Variants in ANKS1B observed in about 807,000 individuals in gnomAD.
ANKS1B encodes ankyrin repeat and sterile alpha motif domain containing 1B.
ANKS1B carries 36 observed loss-of-function variants against 148.3 expected under a neutral mutation model. That is an observed-to-expected ratio of 0.24 (90% CI 0.19 to 0.32). The LOEUF (loss-of-function observed/expected upper bound fraction) is 0.32. Ranked by LOEUF, ANKS1B falls within the 10% of genes least tolerant of loss-of-function variation. The pLI is 1.00. For synonymous variants in ANKS1B, 542 were observed against 560.8 expected (o/e 0.97, Z 0.47); for missense variants, 1,157 against 1,542.6 (o/e 0.75, Z 4.19).
chr12:99,773,561 A>G (rs1279141790), intron 7 of ANKS1B, among the ~76,000 whole-genome samples: 1 of 152,122 alleles, frequency 6.6e-6, no homozygotes, highest in Non-Finnish European at 1.5e-5. Context: ...ATTATGGTAT[A>G]TGATATAAAG....
rs1031343759 is a variant in ANKS1B, at chr12:99,446,565, T to C, written c.1439-2756A>G. Among the ~76,000 whole-genome samples the C allele has an allele frequency of 2.6e-5, 4 of 152,052 alleles. No individual in the cohort carries two copies. The East Asian group carries it at 7.7e-4, about 29-fold the overall frequency. ...ATTCTCAGTTACTGGCAGAAAAGGA[T>C]TCAAATTTCAGACTGATGCCATGTT... On this transcript the variant is annotated intron_variant, in intron 10 of 26. Transcript: ENST00000683438.
chr12:99,379,142 G>A lies in ANKS1B; in HGVS notation c.1756+20489C>T, dbSNP rs1472000404. On this transcript the variant is annotated intron_variant, in intron 12 of 26. Coordinates refer to ENST00000683438, the MANE Select transcript of ANKS1B (RefSeq NM_001352186.2). ...TAGAGAAATAAAAGGTTTGCTTCTC[G>A]AGGTCTATTTACAGACTAAGAATTA... Among the ~76,000 whole-genome samples, 3 of 152,176 alleles carry A rather than the reference G, an allele frequency of 2.0e-5. No individual in the cohort carries two copies. In the East Asian group the frequency reaches 5.8e-4, roughly 29 times the overall value.
intron 17 of ANKS1B, among the ~76,000 whole-genome samples, chr12:98,891,708 C>A (rs973797004): frequency 5.3e-5 from 8 of 152,038 alleles, no homozygotes; most frequent in African/African-American, 1.9e-4. Flanking sequence ...CATATAATAG[C>A]CAATGTAATG....
At chr12:99,123,685 G>A (rs749548920) in intron 15 of ANKS1B, among the ~76,000 whole-genome samples, 19 of 152,150 alleles carry the variant, frequency 1.2e-4, no homozygotes, top group African/African-American at 4.3e-4. Flanking sequence ...AAAAGCCGAC[G>A]AATCTGGAGT....
chr12:99,590,256 ACC>A (rs200158798), intron 9 of ANKS1B, among the ~76,000 whole-genome samples: 6,941 of 131,532 alleles, frequency 0.053, 253 homozygotes, highest in East Asian at 0.21. Flanking sequence ...ACCCACACCC[ACC>A]CACACACACA....
intron 8 of ANKS1B, among the ~76,000 whole-genome samples, chr12:99,724,820 G>A (rs1283363491): frequency 6.6e-6 from 1 of 152,088 alleles, no homozygotes; most frequent in East Asian, 1.9e-4. Flanking sequence ...CAGCAGAAAC[G>A]GTACAAGCCA....
chr12:99,692,788 G>C (rs1008683956), intron 8 of ANKS1B, among the ~76,000 whole-genome samples: 2 of 152,124 alleles, frequency 1.3e-5, no homozygotes, highest in Non-Finnish European at 2.9e-5. Context: ...TCTATGGGAG[G>C]AACCAGTTGG....
chr12:99,888,173 T>C (rs936521729), intron 1 of ANKS1B, among the ~76,000 whole-genome samples: 4 of 152,234 alleles, frequency 2.6e-5, no homozygotes, highest in Admixed American at 6.5e-5. Flanking sequence ...ACATGCTATA[T>C]GACCTGAGAG....
At chr12:99,890,132 A>G (rs934715338) in intron 1 of ANKS1B, among the ~76,000 whole-genome samples, 1 of 152,288 alleles carries the variant, frequency 6.6e-6, no homozygotes, top group East Asian at 1.9e-4. Context: ...TGGAGAGATA[A>G]TTATAATAGA....
At chr12:99,560,952 T>C (rs2097329933) in intron 9 of ANKS1B, among the ~76,000 whole-genome samples, 1 of 148,024 alleles carries the variant, frequency 6.8e-6, no homozygotes, top group African/African-American at 2.5e-5. Context: ...GTTCACGCCA[T>C]TCTCCTGCCT....
At chr12:99,280,292 C>T (rs1387390808) in intron 12 of ANKS1B, among the ~76,000 whole-genome samples, 1 of 152,040 alleles carries the variant, frequency 6.6e-6, no homozygotes, top group Non-Finnish European at 1.5e-5. Flanking sequence ...AGACATGCAG[C>T]TATATGGTTT....
At chr12:98,875,784 C>T (rs745418257) in intron 17 of ANKS1B, among the ~76,000 whole-genome samples, 12 of 152,120 alleles carry the variant, frequency 7.9e-5, no homozygotes, top group Non-Finnish European at 1.5e-4. Context: ...TAAGGCAGGC[C>T]TGGGTTTGTG....
intron 12 of ANKS1B, among the ~76,000 whole-genome samples, chr12:99,247,181 A>G (rs1278565242): frequency 6.6e-6 from 1 of 152,192 alleles, no homozygotes; most frequent in African/African-American, 2.4e-5. Context: ...TTTATAGCCA[A>G]TGAACAAAAT....
chr12:99,347,542 C>T (rs917855406), intron 12 of ANKS1B, among the ~76,000 whole-genome samples: 1 of 152,030 alleles, frequency 6.6e-6, no homozygotes, highest in African/African-American at 2.4e-5. Context: ...GTTGCAAAGA[C>T]TGAGAGAGTT....
intron 15 of ANKS1B, chr12:99,105,109 A>C (rs2058853329): frequency 6.6e-6 from 1 of 152,264 alleles, no homozygotes; most frequent in Admixed American, 6.5e-5. Context: ...AGACGAAAGA[A>C]ATAATGGGAG....
chr12:98,745,392 T>A lies in ANKS1B; in HGVS notation c.*347A>T. On this transcript the variant is annotated 3_prime_UTR_variant, in exon 27 of 27. Coordinates refer to ENST00000683438, the MANE Select transcript of ANKS1B (RefSeq NM_001352186.2). ...CCCCTTTACTTTTTTTTTTTTTTTT[T>A]TTTTTTTAAAGAAAAGGTATTATTT... 1 of 987,362 alleles carries A rather than the reference T, an allele frequency of 1.0e-6. No individual in the cohort carries two copies. Among genetic ancestry groups the A allele is most frequent in the Non-Finnish European group, 1.2e-6 (1 of 831,286 alleles). The allele number at this position is 987,362 out of a possible 1,614,324, so 61.2% of individuals were successfully genotyped here. A position where few individuals can be genotyped will look rare whatever the true frequency, so the allele number is the denominator to read the frequency against.
At chr12:99,238,920 A>T (rs565490259) in intron 14 of ANKS1B, among the ~76,000 whole-genome samples, 190 of 152,230 alleles carry the variant, frequency 1.2e-3, no homozygotes, top group Non-Finnish European at 2.4e-3. Flanking sequence ...TAGGTCACCA[A>T]CATCAAAGAC....
intron 9 of ANKS1B, among the ~76,000 whole-genome samples, chr12:99,626,139 C>A (rs11109953): frequency 0.18 from 27,157 of 152,056 alleles, 2,639 homozygotes; most frequent in Admixed American, 0.24. Context: ...CTGAGAAAAA[C>A]AGGTTACATG....
In ANKS1B at chr12:99,313,820, G is replaced by A. The variant is rs144468313; in HGVS notation, c.1757-66956C>T. 1.7e-3 allele frequency among the ~76,000 whole-genome samples: 259 copies of A among 152,228 alleles called. 6 individuals are homozygous for A. The East Asian group carries it at 0.027, about 16-fold the overall frequency. ...ACCCACAGCCAATATCATATTGAAT[G>A]GGCAAAAGCTGGAAGCATTCCCTTC... On this transcript the variant is annotated intron_variant, in intron 12 of 26. Transcript: ENST00000683438.
Sources: gnomAD v4.1 joint callset for allele counts (sites outside exome capture counted in the v4.1 genomes callset) on GRCh38, gnomAD v4.1.1 for gene constraint, MANE v1.5 for transcripts, NCBI Gene and HGNC (gene_info 2026-07-23, HGNC 2026-07-21) for gene names.